Variants in TXNRD1 observed in about 807,000 individuals in gnomAD.
The protein encoded by TXNRD1 is thioredoxin reductase 1.
A neutral mutation model predicts 80.3 loss-of-function variants in TXNRD1; 57 were observed. The observed-to-expected ratio is 0.71, with a 90% CI of 0.57 to 0.89. TXNRD1 has a LOEUF of 0.89. Among genes scored for constraint, TXNRD1 ranks in the 40% least tolerant of loss-of-function variants. The pLI is 0.00. For missense variants in TXNRD1, 730 were observed against 803.0 expected (o/e 0.91, Z 1.10); for synonymous variants, 291 against 285.2 (o/e 1.02, Z -0.20).
Position 104,277,614 on chromosome 12 carries a change from A to G in TXNRD1, c.305-11317A>G, listed in dbSNP as rs969366768. 1.4e-4 allele frequency among the ~76,000 whole-genome samples: 21 copies of G among 152,148 alleles called. 1 individual carries two copies. In the East Asian group the frequency reaches 3.5e-3, roughly 25 times the overall value. ...AATAAAGACAGAATGACTACAGGTC[A>G]TAGTCCCCTCAGTAGATTCCAGAGT... is the stretch of plus-strand genomic sequence containing the variant. On this transcript the variant is annotated intron_variant, in intron 3 of 16. Transcript: ENST00000525566.
In TXNRD1 at chr12:104,349,807, A is replaced by C. The variant is rs1487056474; in HGVS notation, c.*1386A>C. 11 of 152,526 alleles carry C rather than the reference A, an allele frequency of 7.2e-5. No individual in the cohort carries two copies. Among genetic ancestry groups the C allele is most frequent in the African/African-American group, 2.7e-4 (11 of 41,412 alleles). The allele number at this position is 152,526 out of a possible 1,614,324, so 9.4% of individuals were successfully genotyped here. A position where few individuals can be genotyped will look rare whatever the true frequency, so the allele number is the denominator to read the frequency against. ...TCTACCTGTATTTCTCAGTTGCAGC[A>C]CTGAGTGGTCAAAATACATTTCTGG... On this transcript the variant is annotated 3_prime_UTR_variant, in exon 17 of 17. Transcript: ENST00000525566.
chr12:104,310,158 T>A (rs1565893966), intron 4 of TXNRD1: 1 of 1,412,262 alleles, frequency 7.1e-7, no homozygotes, highest in Non-Finnish European at 9.2e-7. Flanking sequence ...GTTTGTTTTT[T>A]AAAATGAGAT....
chr12:104,217,285 TAA>T (rs200665371), intron 1 of TXNRD1, among the ~76,000 whole-genome samples: 10 of 145,928 alleles, frequency 6.9e-5, no homozygotes, highest in African/African-American at 1.5e-4. Flanking sequence ...TGTGTGTGGT[TAA>T]AAAAAAAAAA....
intron 1 of TXNRD1, among the ~76,000 whole-genome samples, chr12:104,219,505 G>A (rs745950037): frequency 5.3e-5 from 8 of 152,192 alleles, no homozygotes; most frequent in Non-Finnish European, 8.8e-5. Context: ...GAAGAATGGC[G>A]TAGAAAATGC....
chr12:104,235,903 T>A (rs1193813387), intron 1 of TXNRD1, among the ~76,000 whole-genome samples: 1 of 152,208 alleles, frequency 6.6e-6, no homozygotes, highest in African/African-American at 2.4e-5. Context: ...TTGTGCTAAG[T>A]CAGTTCCTGG....
rs2034078887 is a variant in TXNRD1, at chr12:104,288,976, A to G, written c.350A>G (p.Glu117Gly). 2.5e-6 allele frequency: 4 copies of G among 1,614,042 alleles called. No individual in the cohort carries two copies. The change falls in exon 4 of 17, where the codon GAA (glutamate) becomes GGA (glycine). Residue 117 changes from glutamate to glycine, a missense_variant. Coordinates refer to ENST00000525566, the MANE Select transcript of TXNRD1 (RefSeq NM_001093771.3). ...LEGTLSELAA[E>G]TDLPVVFVKQ... ...GGAACGCTCTCGGAATTGGCCGCGG[A>G]AACCGATCTGCCCGTTGTGTTTGTG...
At chr12:104,319,381 C>A in intron 8 of TXNRD1, 89 bp from the exon 9 acceptor site, 2 of 818,312 alleles carry the variant, frequency 2.4e-6, no homozygotes, top group Non-Finnish European at 4.0e-6. Context: ...TGAAATGAGA[C>A]AATGTAGTGA....
chr12:104,249,082 A>G (rs1039816253), intron 1 of TXNRD1, among the ~76,000 whole-genome samples: 2 of 152,256 alleles, frequency 1.3e-5, no homozygotes, highest in Admixed American at 1.3e-4. Context: ...ACAAAATAAC[A>G]TAAACTAGGA....
intron 2 of TXNRD1, among the ~76,000 whole-genome samples, chr12:104,253,498 G>A (rs749338410): frequency 2.0e-5 from 3 of 152,098 alleles, no homozygotes; most frequent in Non-Finnish European, 4.4e-5. Flanking sequence ...TGGACAGGCA[G>A]CAAGTGCTAG....
chr12:104,269,959 C>A (rs753502759), intron 3 of TXNRD1, among the ~76,000 whole-genome samples: 1 of 152,090 alleles, frequency 6.6e-6, no homozygotes, highest in Non-Finnish European at 1.5e-5. Context: ...AGCAATCCTA[C>A]GTTGGCCTCC....
chr12:104,293,030 T>C (rs945641385), intron 4 of TXNRD1, among the ~76,000 whole-genome samples: 1 of 152,218 alleles, frequency 6.6e-6, no homozygotes, highest in African/African-American at 2.4e-5. Flanking sequence ...GGTTAAGAAC[T>C]ATGAATAGAG....
intron 3 of TXNRD1, among the ~76,000 whole-genome samples, chr12:104,283,840 A>G (rs1404213073): frequency 1.3e-5 from 2 of 152,144 alleles, no homozygotes; most frequent in Non-Finnish European, 2.9e-5. Flanking sequence ...ATTGCCCTCC[A>G]GCCAGGGCAA....
chr12:104,250,652 C>T (rs1366116105), intron 1 of TXNRD1, among the ~76,000 whole-genome samples: 1 of 152,154 alleles, frequency 6.6e-6, no homozygotes, highest in Non-Finnish European at 1.5e-5. Flanking sequence ...GGCATATAAA[C>T]ATTAACCCTC....
chr12:104,224,281 G>A (rs184812274), intron 1 of TXNRD1, among the ~76,000 whole-genome samples: 3 of 152,156 alleles, frequency 2.0e-5, no homozygotes, highest in African/African-American at 7.2e-5. Flanking sequence ...AGATAGTTTT[G>A]CCCTTTCTGG....
At chr12:104,217,354 A>G (rs1565848333) in intron 1 of TXNRD1, among the ~76,000 whole-genome samples, 1 of 146,066 alleles carries the variant, frequency 6.8e-6, no homozygotes, top group Non-Finnish European at 1.5e-5. Context: ...CTCGTTGCCC[A>G]GGCTGGGGTG....
intron 4 of TXNRD1, chr12:104,304,538 C>A: frequency 6.2e-7 from 1 of 1,613,974 alleles, no homozygotes; most frequent in Non-Finnish European, 8.5e-7. Flanking sequence ...TGGCAACATG[C>A]CTACAAAGTT....
intron 3 of TXNRD1, chr12:104,280,563 G>A (rs1333152048): frequency 6.6e-6 from 1 of 152,136 alleles, no homozygotes; most frequent in African/African-American, 2.4e-5. Flanking sequence ...GCTAGCATAC[G>A]GTGCCCAGTT....
chr12:104,232,767 G>A (rs1445945544), intron 1 of TXNRD1, among the ~76,000 whole-genome samples: 3 of 152,110 alleles, frequency 2.0e-5, no homozygotes, highest in South Asian at 4.1e-4. Flanking sequence ...AATAGCGCTC[G>A]AATATGAATT....
At chr12:104,313,366 C>T in intron 6 of TXNRD1, 49 bp downstream of exon 6, 24 of 1,427,604 alleles carry the variant, frequency 1.7e-5, no homozygotes, top group Non-Finnish European at 2.3e-5. Context: ...GTAGTTTTCC[C>T]CTGGCAATAA....
Sources: gnomAD v4.1 joint callset for allele counts (sites outside exome capture counted in the v4.1 genomes callset) on GRCh38, gnomAD v4.1.1 for gene constraint, MANE v1.5 for transcripts, NCBI Gene and HGNC (gene_info 2026-07-23, HGNC 2026-07-21) for gene names.